The following FAT1 variants were observed in gnomAD, a reference collection of about 807,000 sequenced individuals.
FAT1 encodes protocadherin Fat 1.
FAT1 carries 171 observed loss-of-function variants against 329.8 expected under a neutral mutation model. The ratio of observed to expected loss-of-function variants is 0.52; its 90% CI spans 0.46 to 0.59. The LOEUF (loss-of-function observed/expected upper bound fraction) is 0.59, where lower values mean the gene tolerates loss of function less well. Ranked by LOEUF, FAT1 falls within the 20% of genes least tolerant of loss-of-function variation. FAT1 has a pLI of 0.00. For missense variants in FAT1, 5,672 were observed against 5,774.4 expected (o/e 0.98, Z 0.57); for synonymous variants, 2,233 against 2,228.6 (o/e 1.00, Z -0.06).
At chr4:186,613,732 T>C (rs955457928) in intron 12 of FAT1, among the ~76,000 whole-genome samples, 2 of 152,208 alleles carry the variant, frequency 1.3e-5, no homozygotes, top group African/African-American at 4.8e-5. Flanking sequence ...TTGATCCCAA[T>C]TTTACCAAAA....
intron 1 of FAT1, among the ~76,000 whole-genome samples, chr4:186,712,891 A>T (rs1745030945): frequency 6.6e-6 from 1 of 152,204 alleles, no homozygotes; most frequent in South Asian, 2.1e-4. Flanking sequence ...AGATTAGGGA[A>T]GCCAGAAAGA....
At chr4:186,637,071 G>T (rs1444427552) in intron 4 of FAT1, among the ~76,000 whole-genome samples, 157 bp from the exon 5 acceptor site, 1 of 152,198 alleles carries the variant, frequency 6.6e-6, no homozygotes, top group Non-Finnish European at 1.5e-5. Flanking sequence ...CAACAGGGCT[G>T]TAAGGAGGTG....
At chr4:186,706,495 G>T (rs1744602871) in intron 2 of FAT1, 68 bp downstream of exon 2, 1 of 1,468,970 alleles carries the variant, frequency 6.8e-7, no homozygotes. Context: ...GCTGCCACAG[G>T]GCAGATGGTT....
chr4:186,650,246 T>C (rs949681966), intron 3 of FAT1, among the ~76,000 whole-genome samples: 1 of 152,174 alleles, frequency 6.6e-6, no homozygotes, highest in African/African-American at 2.4e-5. Context: ...CTAAGTCTTT[T>C]GTTTTCAGTT....
At chr4:186,598,345 C>G (rs953505903) in intron 22 of FAT1, among the ~76,000 whole-genome samples, 2 of 152,202 alleles carry the variant, frequency 1.3e-5, no homozygotes, top group African/African-American at 4.8e-5. Flanking sequence ...TTTAGTTCAT[C>G]ATAATCTGCA....
chr4:186,708,308 T>C lies in FAT1; in HGVS notation c.1520A>G (p.His507Arg). ...YVTYSIANLNHVPFAIDHFTG... is the reference protein window; with the variant it reads ...YVTYSIANLNRVPFAIDHFTG... ...GAAATGGTCAATCGCAAACGGCACA[T>C]GATTTAAATTTGCGATACTGTATGT... Residue 507 changes from histidine (H) to arginine (R), a missense_variant, in exon 2 of 27, where the codon CAT becomes CGT. Coordinates refer to ENST00000441802, the MANE Select transcript of FAT1 (RefSeq NM_005245.4). 2 of 1,613,924 alleles carry C rather than the reference T, an allele frequency of 1.2e-6. No homozygotes were observed. Among genetic ancestry groups the C allele is most frequent in the Non-Finnish European group, 1.7e-6 (2 of 1,179,850 alleles).
chr4:186,717,264 T>C (rs1236858544), intron 1 of FAT1, among the ~76,000 whole-genome samples: 4 of 152,238 alleles, frequency 2.6e-5, no homozygotes, highest in Non-Finnish European at 5.9e-5. Flanking sequence ...GTTTATTTTC[T>C]GGGTGTACAC....
At chr4:186,606,312 T>G (rs566635200) in intron 16 of FAT1, 99 bp from the exon 17 acceptor site, 13 of 1,339,172 alleles carry the variant, frequency 9.7e-6, no homozygotes, top group South Asian at 2.7e-5. Flanking sequence ...CAGGTCCCAG[T>G]GAGCTACCAC....
chr4:186,724,991 T>A (rs773621416), upstream of FAT1, among the ~76,000 whole-genome samples: 5 of 151,356 alleles, frequency 3.3e-5, no homozygotes, highest in Non-Finnish European at 4.4e-5. The surrounding 1 kb of genome is among the most constrained non-coding windows in gnomAD (Gnocchi z 5.3). Flanking sequence ...CCGGAAAAAA[T>A]AATAATAATA....
At position 186,621,694 on chromosome 4, in the gene FAT1, G is replaced by A. The variant is rs751475602; in HGVS notation, c.4892C>T (p.Ala1631Val). The A allele has an allele frequency of 6.2e-6, 10 of 1,613,726 alleles. No individual in the cohort carries two copies. The East Asian group carries it at 1.6e-4, about 25-fold the overall frequency. The change falls in exon 10 of 27, where the codon GCG (alanine) becomes GTG (valine). Residue 1631 changes from alanine (A) to valine (V), a missense_variant. Transcript: ENST00000441802. ...AGCTTTTACCATTAAATCATACTCC[G>A]CTTGGTTACTTCGATCTAATTCTTT... ...TAKELDRSNQAEYDLMVKATD... is the reference protein window; with the variant it reads ...TAKELDRSNQVEYDLMVKATD...
At chr4:186,608,780 T>G (rs1406574629) in intron 16 of FAT1, among the ~76,000 whole-genome samples, 2 of 152,190 alleles carry the variant, frequency 1.3e-5, no homozygotes, top group Non-Finnish European at 2.9e-5. Flanking sequence ...CCAATACAAC[T>G]GGGTAAAGTC....
intron 9 of FAT1, among the ~76,000 whole-genome samples, chr4:186,625,455 C>T (rs2126535400): frequency 6.6e-6 from 1 of 152,260 alleles, no homozygotes; most frequent in South Asian, 2.1e-4. Context: ...AGTTTAACCA[C>T]CTAGAACACA....
At chr4:186,652,822 T>C (rs553240645) in intron 3 of FAT1, among the ~76,000 whole-genome samples, 7 of 152,184 alleles carry the variant, frequency 4.6e-5, no homozygotes, top group Non-Finnish European at 8.8e-5. Flanking sequence ...AAAAAAATAG[T>C]TGTAAAGTGT....
intron 9 of FAT1, among the ~76,000 whole-genome samples, chr4:186,627,674 G>A (rs912656465): frequency 5.9e-5 from 9 of 152,144 alleles, no homozygotes; most frequent in African/African-American, 1.9e-4. Flanking sequence ...GGAGGGGCAC[G>A]ACACCTCTTT....
intron 9 of FAT1, among the ~76,000 whole-genome samples, chr4:186,623,007 T>A (rs1740121565): frequency 6.6e-6 from 1 of 152,246 alleles, no homozygotes; most frequent in Admixed American, 6.5e-5. Flanking sequence ...GTTCTCCACA[T>A]CATTAACAGG....
In FAT1 at chr4:186,631,093, G is replaced by A. The variant is rs529340854; in HGVS notation, c.4324-2330C>T. Among the ~76,000 whole-genome samples, 10 of 152,240 alleles carry A rather than the reference G, an allele frequency of 6.6e-5. No homozygotes were observed. The Middle Eastern group carries it at 0.01, about 155-fold the overall frequency. ...GAGGCTGCCCGCTTGACTCACCAAC[G>A]GCTCACCTAAACCTTCTCAAATCGG... On this transcript the variant is annotated intron_variant, in intron 7 of 26. Transcript: ENST00000441802.
At chr4:186,705,125 T>C (rs1015954228) in intron 2 of FAT1, among the ~76,000 whole-genome samples, 17 of 147,366 alleles carry the variant, frequency 1.2e-4, no homozygotes, top group African/African-American at 4.0e-4. Flanking sequence ...TTTTTTTTTT[T>C]GGTAGGAACG....
Position 186,708,360 on chromosome 4 carries a change from G to A in FAT1, c.1468C>T (p.Pro490Ser), listed in dbSNP as rs769874804. ...ACGTACCCGTTCTCACCCTCATCAGGGTCTACGGCACTCAGGCTCATGACA... is the reference window on the plus strand; with the variant it reads ...ACGTACCCGTTCTCACCCTCATCAGAGTCTACGGCACTCAGGCTCATGACA... Reference protein sequence around the residue: ...TTVMSLSAVDPDEGENGYVTY... With the variant: ...TTVMSLSAVDSDEGENGYVTY... The change falls in exon 2 of 27, where the codon CCT (proline) becomes TCT (serine). Residue 490 changes from proline (P) to serine (S), a missense_variant. Pro to Ser is a moderately conservative substitution (Grantham distance 74). This residue lies in a region of FAT1 where 3,966 missense variants were observed against 3,915.2 expected (regional missense o/e 1.01). Transcript: ENST00000441802. 8.7e-6 allele frequency: 14 copies of A among 1,613,710 alleles called. No homozygotes were observed. Among genetic ancestry groups the A allele is most frequent in the Non-Finnish European group, 1.2e-5 (14 of 1,179,850 alleles).
rs771249871 is a variant in FAT1, at chr4:186,620,616, C to T, written c.5970G>A (p.Glu1990=). The change falls in exon 10 of 27, where the codon GAG becomes GAA. Residue 1990 remains glutamate, a synonymous_variant. Coordinates refer to ENST00000441802, the MANE Select transcript of FAT1 (RefSeq NM_005245.4). ...TQDVYSAVVK[E]NSTEAETLAV... ...CTAATGTTTCGGCCTCGGTGGAATTCTCTTTCACTACCGCAGAGTAGACAT... is the reference window on the plus strand; with the variant it reads ...CTAATGTTTCGGCCTCGGTGGAATTTTCTTTCACTACCGCAGAGTAGACAT... 1 of 1,614,020 alleles carries T rather than the reference C, an allele frequency of 6.2e-7. No individual in the cohort carries two copies. Among genetic ancestry groups the T allele is most frequent in the African/African-American group, 1.3e-5 (1 of 75,050 alleles).
Sources: gnomAD v4.1 joint callset for allele counts (sites outside exome capture counted in the v4.1 genomes callset) on GRCh38, gnomAD v4.1.1 for gene constraint, gnomAD v4.1.1 regional missense constraint, Gnocchi (gnomAD v3.1) non-coding constraint, MANE v1.5 for transcripts, NCBI Gene and HGNC (gene_info 2026-07-23, HGNC 2026-07-21) for gene names.